Variants in SYN3 observed in about 807,000 individuals in gnomAD.
SYN3 encodes the protein synapsin-3.
A neutral mutation model predicts 65.8 loss-of-function variants in SYN3; 35 were observed. The ratio of observed to expected loss-of-function variants is 0.53; its 90% CI spans 0.41 to 0.70. The LOEUF (loss-of-function observed/expected upper bound fraction) is 0.70, where lower values mean the gene tolerates loss of function less well. Ranked by LOEUF, SYN3 falls within the 30% of genes least tolerant of loss-of-function variation. The pLI is 0.00. For synonymous variants in SYN3, 270 were observed against 292.9 expected, an observed-to-expected ratio of 0.92 and a Z score of 0.80; for missense variants, 680 against 749.0, an observed-to-expected ratio of 0.91 and a Z score of 1.08.
intron 6 of SYN3, among the ~76,000 whole-genome samples, chr22:32,736,963 G>A (rs114374401): frequency 6.6e-6 from 1 of 152,178 alleles, no homozygotes; most frequent in African/African-American, 2.4e-5. Flanking sequence ...CAGTAAGCAA[G>A]CAGACAGACC....
chr22:32,789,158 C>A (rs560575386), intron 6 of SYN3, among the ~76,000 whole-genome samples: 6 of 152,374 alleles, frequency 3.9e-5, no homozygotes, highest in Non-Finnish European at 7.3e-5. Context: ...GCAACCAGTT[C>A]ATACAAAGGA....
intron 6 of SYN3, among the ~76,000 whole-genome samples, chr22:32,793,211 G>C (rs2046360213): frequency 6.6e-6 from 1 of 152,142 alleles, no homozygotes; most frequent in South Asian, 2.1e-4. Context: ...ATCTCTCATG[G>C]GCCCAGCCTG....
At chr22:32,547,930 G>A (rs915496103) in intron 7 of SYN3, among the ~76,000 whole-genome samples, 1 of 152,304 alleles carries the variant, frequency 6.6e-6, no homozygotes, top group South Asian at 2.1e-4. Flanking sequence ...AATGGCCCTC[G>A]TTATTCTATG....
chr22:32,877,138 T>C (rs1397343767), intron 4 of SYN3, among the ~76,000 whole-genome samples: 1 of 152,198 alleles, frequency 6.6e-6, no homozygotes, highest in African/African-American at 2.4e-5. Flanking sequence ...TGTTAGTCCC[T>C]TTCCACCCCA....
rs751391215 is a variant in SYN3, at chr22:32,849,457, C to T, written c.711+15458G>A. On this transcript the variant is annotated intron_variant, in intron 6 of 13. Transcript: ENST00000358763. ...GTCTCCTTCTGTCTCTGCAGTGATC[C>T]GGGCCAAGGTGGTGGGGAAGAAGCT... 6.2e-7 allele frequency: 1 copy of T among 1,613,384 alleles called. No homozygotes were observed. Among genetic ancestry groups the T allele is most frequent in the Admixed American group, 1.7e-5 (1 of 59,960 alleles).
chr22:32,951,249 C>T (rs1206295120), intron 3 of SYN3, among the ~76,000 whole-genome samples: 3 of 152,104 alleles, frequency 2.0e-5, no homozygotes, highest in Non-Finnish European at 4.4e-5. Context: ...ACCAAGCAAG[C>T]TCCAGCCTCC....
At chr22:32,946,501 T>C (rs181454527) in intron 3 of SYN3, among the ~76,000 whole-genome samples, 1 of 139,412 alleles carries the variant, frequency 7.2e-6, no homozygotes, top group African/African-American at 2.7e-5. Flanking sequence ...ATGAGAACAC[T>C]TGGACACAGG....
chr22:32,873,112 G>A (rs770206892), intron 4 of SYN3, among the ~76,000 whole-genome samples: 13 of 151,986 alleles, frequency 8.6e-5, no homozygotes, highest in Admixed American at 2.6e-4. Flanking sequence ...CCCTGCACCC[G>A]GCTAATTTTT....
rs888860959 is a variant in SYN3, at chr22:32,509,789, C to T, written c.*3903G>A. 9.9e-5 allele frequency among the ~76,000 whole-genome samples: 15 copies of T among 152,128 alleles called. 1 individual carries two copies. Among genetic ancestry groups the T allele is most frequent in the South Asian group, 8.3e-4 (4 of 4,812 alleles). On this transcript the variant is annotated 3_prime_UTR_variant, in exon 14 of 14. Transcript: ENST00000358763. The stretch of plus-strand genomic sequence containing the variant: ...TTCACCGTGTTAGCCAGGATGGTCT[C>T]GATCTCCTGACCTAGTCATCCGCCC...
chr22:32,850,573 G>A lies in SYN3; in HGVS notation c.711+14342C>T, dbSNP rs118108627. On this transcript the variant is annotated intron_variant, in intron 6 of 13. Transcript: ENST00000358763. The stretch of plus-strand genomic sequence containing the variant: ...TAGGAGCCAGGGAGGCCGTGAGGGA[G>A]ATACAGTTTCCATCTTTAGGAACTA... Among the ~76,000 whole-genome samples, 447 of 152,268 alleles carry A rather than the reference G, an allele frequency of 2.9e-3. 3 individuals carry two copies. The highest frequency in any genetic ancestry group is 6.8e-3 in the Middle Eastern group (2 of 294).
At chr22:32,648,147 C>T (rs149946763) in intron 6 of SYN3, among the ~76,000 whole-genome samples, 10 of 152,130 alleles carry the variant, frequency 6.6e-5, no homozygotes, top group South Asian at 4.2e-4. Flanking sequence ...TTACAGGAGC[C>T]GCTACACCTG....
intron 3 of SYN3, among the ~76,000 whole-genome samples, chr22:32,958,932 C>G (rs1053409672): frequency 2.0e-5 from 3 of 152,100 alleles, no homozygotes; most frequent in Non-Finnish European, 4.4e-5. Context: ...GTGGCTCACC[C>G]CTATAATCCC....
chr22:32,618,499 T>C (rs1339014726), intron 6 of SYN3, among the ~76,000 whole-genome samples: 2 of 152,078 alleles, frequency 1.3e-5, no homozygotes, highest in African/African-American at 4.8e-5. Flanking sequence ...GGTGTTTCTT[T>C]CCCCCTTCTA....
chr22:32,861,586 CCT>C (rs1184872985), intron 6 of SYN3: 8 of 152,594 alleles, frequency 5.2e-5, no homozygotes, highest in Non-Finnish European at 8.8e-5. Flanking sequence ...GTGTGGTCAG[CCT>C]CTCTCACACA....
At chr22:32,796,339 A>T (rs963617618) in intron 6 of SYN3, among the ~76,000 whole-genome samples, 1 of 152,200 alleles carries the variant, frequency 6.6e-6, no homozygotes, top group Non-Finnish European at 1.5e-5. Flanking sequence ...TTCTGGCTTA[A>T]AAACACTGAG....
At chr22:32,766,091 T>TCAAGAAC (rs2045617533) in intron 6 of SYN3, among the ~76,000 whole-genome samples, 1 of 152,100 alleles carries the variant, frequency 6.6e-6, no homozygotes, top group East Asian at 1.9e-4. Flanking sequence ...CCTCTGTGGT[T>TCAAGAAC]TGGAGAACTG....
chr22:32,838,423 A>G (rs2047799018), intron 6 of SYN3, among the ~76,000 whole-genome samples: 1 of 152,182 alleles, frequency 6.6e-6, no homozygotes, highest in African/African-American at 2.4e-5. Flanking sequence ...AGGAGTCAGC[A>G]GGTCTAGCAA....
chr22:32,900,479 G>C lies in SYN3; in HGVS notation c.461+30911C>G, dbSNP rs570540890. Among the ~76,000 whole-genome samples the C allele has an allele frequency of 2.6e-5, 4 of 152,278 alleles. No homozygotes were observed. In the East Asian group the frequency reaches 7.7e-4, roughly 29 times the overall value. ...TTATTGAATAAATACTCTGTGCCAGGTGTTCTTCTAAGGGATTTGGCAGTG... is the reference window on the plus strand; with the variant it reads ...TTATTGAATAAATACTCTGTGCCAGCTGTTCTTCTAAGGGATTTGGCAGTG... On this transcript the variant is annotated intron_variant, in intron 4 of 13. Transcript: ENST00000358763.
intron 6 of SYN3, among the ~76,000 whole-genome samples, chr22:32,673,514 A>G (rs1000542880): frequency 2.0e-5 from 3 of 152,234 alleles, no homozygotes; most frequent in Admixed American, 1.3e-4. Context: ...TGTACTAGGG[A>G]AGGCAGACAA....
Sources: allele counts gnomAD v4.1 joint callset (sites outside exome capture counted in the v4.1 genomes callset), GRCh38; gene constraint gnomAD v4.1.1; transcripts MANE v1.5; gene names NCBI Gene and HGNC (gene_info 2026-07-23, HGNC 2026-07-21).